The following SPTLC3 variants were observed in gnomAD, a reference collection of about 807,000 sequenced individuals.
The protein encoded by SPTLC3 is serine palmitoyltransferase 3.
A neutral mutation model predicts 59.3 loss-of-function variants in SPTLC3; 36 were observed. The ratio of observed to expected loss-of-function variants is 0.61; its 90% CI spans 0.47 to 0.80. The LOEUF is 0.80. Ranked by LOEUF, SPTLC3 falls within the 30% of genes least tolerant of loss-of-function variation. The pLI is 0.00. For synonymous variants in SPTLC3, 257 were observed against 240.8 expected, an observed-to-expected ratio of 1.07 and a Z score of -0.62; for missense variants, 625 against 685.1, an observed-to-expected ratio of 0.91 and a Z score of 0.98.
At chr20:13,112,469 T>A (rs1431290412) in intron 7 of SPTLC3, among the ~76,000 whole-genome samples, 2 of 152,208 alleles carry the variant, frequency 1.3e-5, no homozygotes, top group African/African-American at 4.8e-5. Context: ...AAGTACATCA[T>A]GAGGCCAGCC....
chr20:13,097,689 T>G (rs2122645019), intron 6 of SPTLC3, among the ~76,000 whole-genome samples: 1 of 152,286 alleles, frequency 6.6e-6, no homozygotes, highest in East Asian at 1.9e-4. Flanking sequence ...TTATATGGGA[T>G]GCAGGTTAGA....
chr20:13,100,255 T>C (rs533066555), intron 6 of SPTLC3, among the ~76,000 whole-genome samples: 2 of 152,248 alleles, frequency 1.3e-5, no homozygotes, highest in African/African-American at 2.4e-5. Flanking sequence ...GGCTTGACCA[T>C]TAACTCCAAA....
chr20:13,096,909 G>T (rs1366949641), intron 6 of SPTLC3, among the ~76,000 whole-genome samples: 2 of 152,016 alleles, frequency 1.3e-5, no homozygotes, highest in East Asian at 3.9e-4. Flanking sequence ...TGAAACTGTG[G>T]TCCTAGACAC....
At chr20:13,071,836 A>G (rs1178588262) in intron 2 of SPTLC3, among the ~76,000 whole-genome samples, 1 of 152,202 alleles carries the variant, frequency 6.6e-6, no homozygotes, top group Non-Finnish European at 1.5e-5. Flanking sequence ...TTTTGCCAGC[A>G]GGTCCGATAG....
intron 9 of SPTLC3, among the ~76,000 whole-genome samples, chr20:13,131,289 G>T (rs1156921464): frequency 1.3e-5 from 2 of 152,176 alleles, no homozygotes; most frequent in African/African-American, 4.8e-5. Context: ...TCTCAGAGAA[G>T]ATAGAGTTTG....
At position 13,154,087 on chromosome 20, in the gene SPTLC3, A is replaced by G. The variant is rs1477099914; in HGVS notation, c.1364A>G (p.Asn455Ser). ...LQEMGFIIYG[N>S]ENASVVPLLL... ...GAAATGGGATTCATTATCTATGGCA[A>G]TGAGAATGCTTCTGTTGTTCCTCTG... Residue 455 changes from asparagine (N) to serine (S), a missense_variant, in exon 10 of 12, where the codon AAT (asparagine) becomes AGT (serine). Asn to Ser is a conservative substitution (Grantham distance 46). Transcript: ENST00000399002. 1.9e-6 allele frequency: 3 copies of G among 1,614,176 alleles called. No individual in the cohort carries two copies. The highest frequency in any genetic ancestry group is 1.7e-6 in the Non-Finnish European group (2 of 1,180,000).
chr20:13,076,721 C>T (rs560390476), intron 4 of SPTLC3, among the ~76,000 whole-genome samples: 14 of 151,988 alleles, frequency 9.2e-5, no homozygotes, highest in African/African-American at 2.7e-4. Context: ...TAAAAATATA[C>T]GATATTAAGT....
intron 1 of SPTLC3, among the ~76,000 whole-genome samples, chr20:13,047,580 T>C (rs892698535): frequency 6.6e-6 from 1 of 152,106 alleles, no homozygotes; most frequent in Non-Finnish European, 1.5e-5. Context: ...AATGTATAAA[T>C]ATTTATTAAG....
At position 13,164,943 on chromosome 20, in the gene SPTLC3, G is replaced by A; in HGVS notation, c.*76G>A. The A allele has an allele frequency of 8.0e-7, 1 of 1,254,556 alleles. No individual in the cohort carries two copies. Among genetic ancestry groups the A allele is most frequent in the Non-Finnish European group, 1.1e-6 (1 of 899,292 alleles). 77.7% of individuals were successfully genotyped at this position (1,254,556 alleles called of 1,614,324 possible). ...CCTTGCCTCACAAGGAATATAAATG[G>A]ATTTCTCCCCCTTCCTCAGGACAAT... On this transcript the variant is annotated 3_prime_UTR_variant, in exon 12 of 12. Transcript: ENST00000399002.
At chr20:13,090,291 T>C (rs929241811) in intron 4 of SPTLC3, among the ~76,000 whole-genome samples, 5 of 152,226 alleles carry the variant, frequency 3.3e-5, no homozygotes, top group Non-Finnish European at 7.3e-5. Context: ...TTTTCTTATC[T>C]GTGAAGTAAA....
intron 6 of SPTLC3, among the ~76,000 whole-genome samples, chr20:13,105,915 G>A (rs772635373): frequency 2.0e-5 from 3 of 152,110 alleles, no homozygotes; most frequent in Admixed American, 6.5e-5. Context: ...AAGTCGCAAG[G>A]TTTTCTTCAA....
At chr20:13,163,901 TTTTTA>T (rs1345715183) in intron 11 of SPTLC3, among the ~76,000 whole-genome samples, 2 of 152,198 alleles carry the variant, frequency 1.3e-5, no homozygotes, top group African/African-American at 4.8e-5. Context: ...AATGACCTTT[TTTTTA>T]TTTTATTATT....
chr20:13,132,475 C>T (rs910102729), intron 9 of SPTLC3, among the ~76,000 whole-genome samples: 8 of 152,060 alleles, frequency 5.3e-5, no homozygotes, highest in African/African-American at 9.7e-5. Flanking sequence ...CGCACCCAGC[C>T]GCTTTAATCT....
chr20:13,074,636 T>C (rs1049106191), intron 4 of SPTLC3, 139 bp downstream of exon 4: 13 of 1,062,224 alleles, frequency 1.2e-5, no homozygotes, highest in Non-Finnish European at 1.7e-5. Flanking sequence ...AAGAGATATT[T>C]TGGGAAATTT....
intron 11 of SPTLC3, among the ~76,000 whole-genome samples, chr20:13,164,140 C>A (rs2123016321): frequency 6.6e-6 from 1 of 152,126 alleles, no homozygotes; most frequent in Admixed American, 6.5e-5. Context: ...TTTTTACTTC[C>A]TGGATCTCAT....
At chr20:13,097,366 C>CA (rs1989453277) in intron 6 of SPTLC3, among the ~76,000 whole-genome samples, 1 of 152,062 alleles carries the variant, frequency 6.6e-6, no homozygotes. Context: ...TGCTTCTTAC[C>CA]ATGCTGTTCC....
intron 8 of SPTLC3, among the ~76,000 whole-genome samples, chr20:13,126,219 C>T (rs371341827): frequency 2.0e-5 from 3 of 152,150 alleles, no homozygotes; most frequent in African/African-American, 7.2e-5. Flanking sequence ...ATGTAATATT[C>T]TCAAGGGCAA....
chr20:13,009,925 G>C (rs916469902), intron 1 of SPTLC3, among the ~76,000 whole-genome samples: 2 of 152,292 alleles, frequency 1.3e-5, no homozygotes, highest in African/African-American at 4.8e-5. Flanking sequence ...TTTGAAATGT[G>C]ACGTCACAGA....
At chr20:13,154,260 C>A in intron 10 of SPTLC3, 122 bp downstream of exon 10, 1 of 1,280,278 alleles carries the variant, frequency 7.8e-7, no homozygotes, top group Non-Finnish European at 1.1e-6. Flanking sequence ...TTCACTCGTA[C>A]GGCTTCTCGG....
Sources: allele counts gnomAD v4.1 joint callset (sites outside exome capture counted in the v4.1 genomes callset), GRCh38; gene constraint gnomAD v4.1.1; transcripts MANE v1.5; gene names NCBI Gene and HGNC (gene_info 2026-07-23, HGNC 2026-07-21).